PRKD1: variants seen among roughly 807,000 people sequenced by gnomAD.
The protein encoded by PRKD1 is serine/threonine-protein kinase D1.
PRKD1 carries 63 observed loss-of-function variants against 95.9 expected under a neutral mutation model. The ratio of observed to expected loss-of-function variants is 0.66; its 90% CI spans 0.54 to 0.81. The LOEUF is 0.81. Ranked by LOEUF, PRKD1 falls within the 30% of genes least tolerant of loss-of-function variation. The pLI, the probability that PRKD1 is intolerant of heterozygous loss-of-function variation, is 0.00. For synonymous variants in PRKD1, 425 were observed against 423.1 expected, an observed-to-expected ratio of 1.00 and a Z score of -0.05; for missense variants, 1,048 against 1,165.3, an observed-to-expected ratio of 0.90 and a Z score of 1.47.
chr14:29,692,135 C>A (rs991220375), intron 2 of PRKD1, among the ~76,000 whole-genome samples: 2 of 152,004 alleles, frequency 1.3e-5, no homozygotes, highest in Admixed American at 6.6e-5. Context: ...TTATGAGTTA[C>A]CCCCCTTATA....
At chr14:29,579,400 C>G (rs573195542) in intron 16 of PRKD1, among the ~76,000 whole-genome samples, 1 of 152,188 alleles carries the variant, frequency 6.6e-6, no homozygotes, top group East Asian at 1.9e-4. Context: ...TTGCCCTTAA[C>G]CTACCCTAGG....
At chr14:29,854,683 G>GA (rs1424774183) in intron 1 of PRKD1, among the ~76,000 whole-genome samples, 2 of 152,172 alleles carry the variant, frequency 1.3e-5, no homozygotes, top group Non-Finnish European at 2.9e-5. Flanking sequence ...AAGACAATGG[G>GA]AAAAATGTCT....
At chr14:29,718,108 T>C (rs2139374145) in intron 2 of PRKD1, among the ~76,000 whole-genome samples, 1 of 152,220 alleles carries the variant, frequency 6.6e-6, no homozygotes, top group Non-Finnish European at 1.5e-5. Context: ...TCTGAGAAAA[T>C]GGTTTAGTGT....
intron 13 of PRKD1, among the ~76,000 whole-genome samples, chr14:29,615,947 A>G (rs1878824450): frequency 6.6e-6 from 1 of 152,116 alleles, no homozygotes; most frequent in Non-Finnish European, 1.5e-5. Flanking sequence ...CAGTACAGCA[A>G]AGTGGAGATG....
At chr14:29,785,870 G>T (rs1292993620) in intron 1 of PRKD1, among the ~76,000 whole-genome samples, 1 of 150,452 alleles carries the variant, frequency 6.6e-6, no homozygotes, top group Non-Finnish European at 1.5e-5. Context: ...AAAGTTTGGT[G>T]GGGCTGTCAA....
At chr14:29,921,956 T>A (rs1438042577) in intron 1 of PRKD1, among the ~76,000 whole-genome samples, 1 of 152,226 alleles carries the variant, frequency 6.6e-6, no homozygotes, top group Non-Finnish European at 1.5e-5. Context: ...AACTTCACAG[T>A]CTCACAGGAT....
chr14:29,818,898 T>C (rs1397656564), intron 1 of PRKD1, among the ~76,000 whole-genome samples: 3 of 152,114 alleles, frequency 2.0e-5, no homozygotes, highest in Admixed American at 2.0e-4. Context: ...CTAGATATAG[T>C]AATAACCCAT....
chr14:29,906,453 G>T (rs1439913366), intron 1 of PRKD1, among the ~76,000 whole-genome samples: 1 of 151,828 alleles, frequency 6.6e-6, no homozygotes, highest in Non-Finnish European at 1.5e-5. Context: ...CAGGAAGATC[G>T]CTTGAGCCCA....
chr14:29,864,823 T>C (rs1892831489), intron 1 of PRKD1, among the ~76,000 whole-genome samples: 2 of 152,134 alleles, frequency 1.3e-5, no homozygotes. Context: ...GTGAATAACA[T>C]AGCACAAACC....
At chr14:29,622,529 A>C (rs1167281498) in intron 13 of PRKD1, among the ~76,000 whole-genome samples, 1 of 151,624 alleles carries the variant, frequency 6.6e-6, no homozygotes, top group Non-Finnish European at 1.5e-5. Context: ...CAGCCTTCAG[A>C]GTAGCCGGGA....
At chr14:29,879,096 T>G (rs181504139) in intron 1 of PRKD1, among the ~76,000 whole-genome samples, 1 of 152,178 alleles carries the variant, frequency 6.6e-6, no homozygotes, top group African/African-American at 2.4e-5. Flanking sequence ...TCAGCCTGCC[T>G]GGCCTCCTAG....
chr14:29,628,525 C>T (rs1295937442), intron 11 of PRKD1, among the ~76,000 whole-genome samples: 1 of 152,148 alleles, frequency 6.6e-6, no homozygotes, highest in East Asian at 1.9e-4. Flanking sequence ...GCGCAGATGA[C>T]TAGGGTGCTA....
chr14:29,664,736 C>T (rs137969247), intron 3 of PRKD1, among the ~76,000 whole-genome samples: 53 of 152,222 alleles, frequency 3.5e-4, no homozygotes, highest in Middle Eastern at 6.8e-3. Context: ...AGTACAATTG[C>T]GCCAGTTTTA....
intron 1 of PRKD1, among the ~76,000 whole-genome samples, chr14:29,871,793 G>A (rs553149843): frequency 2.2e-4 from 33 of 152,154 alleles, no homozygotes; most frequent in Non-Finnish European, 4.6e-4. Context: ...TTCTTGCTCT[G>A]GGTCCTCTTG....
intron 1 of PRKD1, among the ~76,000 whole-genome samples, chr14:29,829,477 ACT>A (rs2139291410): frequency 6.6e-6 from 1 of 151,882 alleles, no homozygotes; most frequent in East Asian, 1.9e-4. Context: ...TTTCGTTTTT[ACT>A]CTTTTTAATC....
chr14:29,901,912 C>G (rs1279573758), intron 1 of PRKD1, among the ~76,000 whole-genome samples: 1 of 152,130 alleles, frequency 6.6e-6, no homozygotes, highest in Non-Finnish European at 1.5e-5. Context: ...CCAAGGATTC[C>G]AAAGCTCTTT....
chr14:29,908,294 C>T (rs1894565341), intron 1 of PRKD1, among the ~76,000 whole-genome samples: 1 of 152,106 alleles, frequency 6.6e-6, no homozygotes, highest in Non-Finnish European at 1.5e-5. Context: ...ATGCATATTA[C>T]ATCAGTAATC....
At chr14:29,715,185 A>C (rs1040628893) in intron 2 of PRKD1, among the ~76,000 whole-genome samples, 1 of 152,114 alleles carries the variant, frequency 6.6e-6, no homozygotes, top group Non-Finnish European at 1.5e-5. Context: ...ACATCATTCA[A>C]TATGTCACAT....
rs200689820 is a variant in PRKD1 at position 29,577,447 on chromosome 14, T to C, written c.2530A>G (p.Thr844Ala). The C allele has an allele frequency of 1.9e-5, 30 of 1,613,458 alleles. No individual in the cohort carries two copies. The highest frequency in any genetic ancestry group is 2.4e-5 in the Non-Finnish European group (28 of 1,179,648). Reference protein sequence around the residue: ...LSHPWLQDYQTWLDLRELECK... With the variant: ...LSHPWLQDYQAWLDLRELECK... ...TCCAGCTCTCGCAAATCTAACCAGGTCTGATAGTCCTGAAGAAGAAATTCC... is the reference window on the plus strand; with the variant it reads ...TCCAGCTCTCGCAAATCTAACCAGGCCTGATAGTCCTGAAGAAGAAATTCC... The change falls in exon 18 of 18, where the codon ACC becomes GCC. Residue 844 changes from threonine to alanine, a missense_variant. Physicochemically the swap from Thr to Ala is moderately conservative, Grantham distance 58. This residue lies in a region of PRKD1 where 739 missense variants were observed against 861.9 expected (regional missense o/e 0.86). Coordinates refer to ENST00000331968, the MANE Select transcript of PRKD1 (RefSeq NM_002742.3).
Sources: allele counts gnomAD v4.1 joint callset (sites outside exome capture counted in the v4.1 genomes callset), GRCh38; gene constraint gnomAD v4.1.1; regional missense constraint gnomAD v4.1.1; transcripts MANE v1.5; gene names NCBI Gene and HGNC (gene_info 2026-07-23, HGNC 2026-07-21).